Variants in SLIT3 observed in about 807,000 individuals in gnomAD.
SLIT3 encodes the protein slit homolog 3 protein.
In SLIT3, 68 loss-of-function variants were observed where a neutral mutation model predicts 184.0. That is an observed-to-expected ratio of 0.37 (90% CI 0.30 to 0.45). The LOEUF is 0.45. Among genes scored for constraint, SLIT3 ranks in the 20% least tolerant of loss-of-function variants. SLIT3 has a pLI of 1.00. For synonymous variants in SLIT3, 831 were observed against 828.6 expected, an observed-to-expected ratio of 1.00 and a Z score of -0.05; for missense variants, 1,707 against 2,026.0, an observed-to-expected ratio of 0.84 and a Z score of 3.02.
At chr5:168,897,648 A>ACGCGCGCGCG (rs1561994278) in intron 4 of SLIT3, among the ~76,000 whole-genome samples, 11 of 47,668 alleles carry the variant, frequency 2.3e-4, no homozygotes, top group East Asian at 1.1e-3. Context: ...AGGTGCACGT[A>ACGCGCGCGCG]CACACACACA....
At chr5:168,717,764 C>T (rs1404459357) in intron 23 of SLIT3, among the ~76,000 whole-genome samples, 1 of 151,746 alleles carries the variant, frequency 6.6e-6, no homozygotes, top group Non-Finnish European at 1.5e-5. Context: ...AGGTTCATGC[C>T]ATTCTGCTGC....
intron 20 of SLIT3, among the ~76,000 whole-genome samples, chr5:168,728,155 A>G (rs1022810648): frequency 6.6e-6 from 1 of 152,006 alleles, no homozygotes; most frequent in African/African-American, 2.4e-5. Context: ...TAATAATGGT[A>G]CCCTAAGTCA....
Position 168,774,951 on chromosome 5 carries a change from C to T in SLIT3, c.1152-573G>A, listed in dbSNP as rs573014142. The stretch of plus-strand genomic sequence containing the variant: ...GTGCACACCCACAGAGAGCACAGAG[C>T]CCCATGTGGTTTGACCTTGGCCCTT... On this transcript the variant is annotated intron_variant, in intron 12 of 35. Transcript: ENST00000519560. 3.9e-5 allele frequency among the ~76,000 whole-genome samples: 6 copies of T among 152,244 alleles called. No individual in the cohort carries two copies. The South Asian group carries it at 1.3e-3, about 32-fold the overall frequency.
At chr5:169,262,270 T>C (rs564131064) in intron 1 of SLIT3, among the ~76,000 whole-genome samples, 1 of 152,244 alleles carries the variant, frequency 6.6e-6, no homozygotes, top group Non-Finnish European at 1.5e-5. Flanking sequence ...AATATGGGCA[T>C]AGCTAGGAAA....
At chr5:168,995,692 T>G (rs570617255) in intron 4 of SLIT3, 48 of 152,338 alleles carry the variant, frequency 3.2e-4, no homozygotes, top group African/African-American at 1.1e-3. Context: ...TTCCAAGGAT[T>G]GGGAACTTGT....
intron 20 of SLIT3, 60 bp from the exon 21 acceptor site, chr5:168,724,544 T>C: frequency 1.4e-6 from 2 of 1,455,232 alleles, no homozygotes; most frequent in Admixed American, 3.6e-5. Flanking sequence ...TTCTCACCTT[T>C]TCAGAGAAGC....
At chr5:168,774,515 A>G in intron 12 of SLIT3, 137 bp from the exon 13 acceptor site, 1 of 933,280 alleles carries the variant, frequency 1.1e-6, no homozygotes, top group Non-Finnish European at 1.6e-6. Flanking sequence ...GCAGAACAGA[A>G]AAAGAGAGAG....
At chr5:168,874,727 A>C (rs1165506350) in intron 5 of SLIT3, among the ~76,000 whole-genome samples, 2 of 152,214 alleles carry the variant, frequency 1.3e-5, no homozygotes, top group Non-Finnish European at 2.9e-5. Flanking sequence ...TTGCTTTTAG[A>C]TAATACTGTA....
intron 4 of SLIT3, among the ~76,000 whole-genome samples, chr5:169,001,325 A>T (rs923330978): frequency 6.6e-6 from 1 of 152,208 alleles, no homozygotes; most frequent in African/African-American, 2.4e-5. Flanking sequence ...TTAATTTGCC[A>T]TCAACTTTTC....
At chr5:168,827,698 T>C (rs1234537860) in intron 6 of SLIT3, among the ~76,000 whole-genome samples, 3 of 152,204 alleles carry the variant, frequency 2.0e-5, no homozygotes, top group Non-Finnish European at 2.9e-5. Context: ...ATGGACATCT[T>C]TGGGGGCCTA....
intron 12 of SLIT3, among the ~76,000 whole-genome samples, chr5:168,782,891 T>C (rs1389575858): frequency 6.6e-6 from 1 of 152,034 alleles, no homozygotes; most frequent in Non-Finnish European, 1.5e-5. Context: ...GAACTGAACG[T>C]GTTTAGGATT....
At chr5:169,247,681 A>G (rs1219861590) in intron 2 of SLIT3, among the ~76,000 whole-genome samples, 2 of 152,114 alleles carry the variant, frequency 1.3e-5, no homozygotes, top group East Asian at 1.9e-4. Flanking sequence ...TTTTCCCTCC[A>G]AGACAAGGTC....
At chr5:169,073,783 G>A (rs1015852297) in intron 4 of SLIT3, among the ~76,000 whole-genome samples, 1 of 152,048 alleles carries the variant, frequency 6.6e-6, no homozygotes, top group Non-Finnish European at 1.5e-5. Context: ...TGCAATGATT[G>A]TAAACTCCCT....
intron 4 of SLIT3, among the ~76,000 whole-genome samples, chr5:169,032,193 T>C (rs1301338255): frequency 1.3e-5 from 2 of 152,162 alleles, no homozygotes; most frequent in Non-Finnish European, 2.9e-5. Flanking sequence ...ACTATGAAAA[T>C]ACAGGATGTC....
chr5:168,984,795 C>A (rs1460454734), intron 4 of SLIT3, among the ~76,000 whole-genome samples: 1 of 152,134 alleles, frequency 6.6e-6, no homozygotes, highest in Non-Finnish European at 1.5e-5. Context: ...GGATACATCA[C>A]AGAAAAACAT....
intron 4 of SLIT3, among the ~76,000 whole-genome samples, chr5:169,051,372 T>C (rs945173229): frequency 7.9e-5 from 12 of 151,918 alleles, no homozygotes; most frequent in Non-Finnish European, 1.5e-4. Context: ...TTGATTCTCA[T>C]ATTTAAGTTT....
chr5:169,091,285 C>T (rs961097697), intron 4 of SLIT3, among the ~76,000 whole-genome samples: 1 of 152,222 alleles, frequency 6.6e-6, no homozygotes. Flanking sequence ...CCCTTACCTC[C>T]CAAGACCCTG....
intron 4 of SLIT3, 122 bp downstream of exon 4, chr5:169,193,357 A>C: frequency 1.3e-6 from 1 of 793,010 alleles, no homozygotes. Flanking sequence ...CCCTGCTCCA[A>C]GTCTCTATGT....
chr5:168,754,213 G>A (rs76150622), intron 16 of SLIT3, among the ~76,000 whole-genome samples: 2 of 152,274 alleles, frequency 1.3e-5, no homozygotes, highest in East Asian at 3.9e-4. Context: ...CCCTATACAG[G>A]TGAAGCTACC....
Sources: allele counts gnomAD v4.1 joint callset (sites outside exome capture counted in the v4.1 genomes callset), GRCh38; gene constraint gnomAD v4.1.1; transcripts MANE v1.5; gene names NCBI Gene and HGNC (gene_info 2026-07-23, HGNC 2026-07-21).